TUSC3: variants seen among roughly 807,000 people sequenced by gnomAD.
TUSC3 encodes the protein tumor suppressor candidate 3, also known as dolichyl-diphosphooligosaccharide--protein glycosyltransferase subunit TUSC3.
In TUSC3, 45 loss-of-function variants were observed where a neutral mutation model predicts 44.8. The ratio of observed to expected loss-of-function variants is 1.00; its 90% confidence interval spans 0.79 to 1.29. The LOEUF is 1.29. Among genes scored for constraint, TUSC3 ranks in the 50% most tolerant of loss-of-function variants. The pLI is 0.00. For missense variants in TUSC3, 519 were observed against 437.9 expected, an observed-to-expected ratio of 1.19 and a Z score of -1.65; for synonymous variants, 212 against 152.9, an observed-to-expected ratio of 1.39 and a Z score of -2.85.
At chr8:15,694,856 A>G (rs1809091158) in intron 6 of TUSC3, among the ~76,000 whole-genome samples, 1 of 152,166 alleles carries the variant, frequency 6.6e-6, no homozygotes, top group African/African-American at 2.4e-5. Flanking sequence ...GTCAGCCAAA[A>G]TGCTTCATAG....
At chr8:15,632,092 C>T (rs1489457055) in intron 2 of TUSC3, among the ~76,000 whole-genome samples, 1 of 152,024 alleles carries the variant, frequency 6.6e-6, no homozygotes, top group Non-Finnish European at 1.5e-5. Context: ...CTATATAATT[C>T]ATATTTAAAT....
intron 7 of TUSC3, among the ~76,000 whole-genome samples, chr8:15,741,437 G>A (rs1270244544): frequency 2.0e-5 from 3 of 152,050 alleles, no homozygotes; most frequent in South Asian, 2.1e-4. Flanking sequence ...AGCTGGGCGC[G>A]GTGGCTCACA....
chr8:15,820,391 A>G, the TUSC3 span, among the ~76,000 whole-genome samples: 1 of 149,466 alleles, frequency 6.7e-6, no homozygotes, highest in Non-Finnish European at 1.5e-5. Flanking sequence ...GGCTCACTGC[A>G]ACCTCCACTT....
chr8:15,638,515 C>CTTTTTTTTTTT (rs547743726), intron 2 of TUSC3, among the ~76,000 whole-genome samples: 1 of 81,108 alleles, frequency 1.2e-5, no homozygotes, highest in Non-Finnish European at 2.2e-5. Context: ...TTCTTTTTTT[C>CTTTTTTTTTTT]TTTTTTTTTT....
In TUSC3 at chr8:15,728,730, A is replaced by C. The variant is rs78134879; in HGVS notation, c.799-1936A>C. On this transcript the variant is annotated intron_variant, in intron 6 of 10. Coordinates refer to ENST00000503731, the MANE Select transcript of TUSC3 (RefSeq NM_006765.4). ...CAATATAGACATAATTAAAGCCATG[A>C]AACTGGATGACAACACCTGGGAAGG... is the stretch of plus-strand genomic sequence containing the variant. Among the ~76,000 whole-genome samples, 1,101 of 152,274 alleles carry C rather than the reference A, an allele frequency of 7.2e-3. 8 individuals carry two copies. Among genetic ancestry groups the C allele is most frequent in the Non-Finnish European group, 0.011 (763 of 68,006 alleles).
At chr8:15,728,280 G>A (rs1028087874) in intron 6 of TUSC3, among the ~76,000 whole-genome samples, 2 of 152,220 alleles carry the variant, frequency 1.3e-5, no homozygotes, top group South Asian at 2.1e-4. Flanking sequence ...AATAAAGGAG[G>A]CTATTGCAAT....
intron 1 of TUSC3, among the ~76,000 whole-genome samples, chr8:15,616,069 A>G (rs928362675): frequency 2.0e-5 from 3 of 152,170 alleles, no homozygotes; most frequent in Non-Finnish European, 2.9e-5. Flanking sequence ...AATAAGTTCT[A>G]ATGGTCGATA....
At chr8:15,457,176 G>GA (rs1800267566) in intron 1 of TUSC3, among the ~76,000 whole-genome samples, 1 of 127,836 alleles carries the variant, frequency 7.8e-6, no homozygotes, top group South Asian at 2.8e-4. Flanking sequence ...GTGAGGTGGG[G>GA]GGAGGGGGGA....
the TUSC3 span, among the ~76,000 whole-genome samples, chr8:15,776,780 A>T: frequency 6.6e-6 from 1 of 152,118 alleles, no homozygotes; most frequent in Non-Finnish European, 1.5e-5. Flanking sequence ...GGCATTCTTC[A>T]GATACTGTCA....
At chr8:15,526,895 A>G (rs1484557890) in intron 2 of TUSC3, among the ~76,000 whole-genome samples, 1 of 152,218 alleles carries the variant, frequency 6.6e-6, no homozygotes, top group African/African-American at 2.4e-5. Flanking sequence ...TAAAGTACCC[A>G]TAATGATTAG....
chr8:15,584,978 AT>A (rs773333302), intron 1 of TUSC3, among the ~76,000 whole-genome samples: 8 of 152,318 alleles, frequency 5.3e-5, no homozygotes, highest in Admixed American at 3.3e-4. Flanking sequence ...TATATTACAT[AT>A]CTGCTTATTA....
chr8:15,769,444 C>T (rs1812403014), downstream of TUSC3, among the ~76,000 whole-genome samples: 2 of 152,150 alleles, frequency 1.3e-5, no homozygotes, highest in South Asian at 4.1e-4. Flanking sequence ...GGATTAAAGA[C>T]TTAAATGTTA....
chr8:15,735,731 T>G (rs1033601222), intron 7 of TUSC3, among the ~76,000 whole-genome samples: 1 of 152,132 alleles, frequency 6.6e-6, no homozygotes, highest in African/African-American at 2.4e-5. Flanking sequence ...GAGTCTCACT[T>G]CTTGGTCGCC....
intron 1 of TUSC3, among the ~76,000 whole-genome samples, chr8:15,446,591 G>A (rs545025426): frequency 2.1e-4 from 32 of 151,938 alleles, no homozygotes; most frequent in African/African-American, 7.5e-4. Context: ...GTCAGGCGTG[G>A]CGGCGGGCGC....
the TUSC3 span, among the ~76,000 whole-genome samples, chr8:15,780,609 C>G: frequency 1.3e-5 from 2 of 152,322 alleles, no homozygotes; most frequent in Admixed American, 6.5e-5. Flanking sequence ...TCTGACTAGT[C>G]TGCATCAGAG....
At position 15,430,090 on chromosome 8, in the gene TUSC3, C is replaced by G. The variant is rs550747575; in HGVS notation, n.91+12785C>G. On this transcript the variant is annotated intron_variant and non_coding_transcript_variant, in intron 1 of 5. Transcript: ENST00000503191. ...CCTTTCCTTCTGAAACTATTCCAAT[C>G]AATAGAAAAAGAGGGAATCCTCCCT... Among the ~76,000 whole-genome samples the G allele has an allele frequency of 1.3e-3, 195 of 151,282 alleles. 2 individuals carry two copies. The highest frequency in any genetic ancestry group is 2.2e-3 in the Non-Finnish European group (147 of 67,940).
At chr8:15,713,553 G>T (rs1298868457) in intron 6 of TUSC3, among the ~76,000 whole-genome samples, 3 of 152,094 alleles carry the variant, frequency 2.0e-5, no homozygotes, top group Admixed American at 2.0e-4. Flanking sequence ...AACAGAAAAT[G>T]TATTTGCTCA....
chr8:15,547,965 T>G (rs1801931575), intron 1 of TUSC3, among the ~76,000 whole-genome samples: 1 of 151,718 alleles, frequency 6.6e-6, no homozygotes, highest in Admixed American at 6.6e-5. Flanking sequence ...TTTTCTGTTA[T>G]TTTTAACTTT....
At chr8:15,423,635 C>G (rs748683868) in intron 1 of TUSC3, among the ~76,000 whole-genome samples, 2 of 152,162 alleles carry the variant, frequency 1.3e-5, no homozygotes, top group Non-Finnish European at 2.9e-5. Context: ...GAAATACCTG[C>G]TCACCATTAC....
Sources: gnomAD v4.1 joint callset for allele counts (sites outside exome capture counted in the v4.1 genomes callset) on GRCh38, gnomAD v4.1.1 for gene constraint, MANE v1.5 for transcripts, NCBI Gene and HGNC (gene_info 2026-07-23, HGNC 2026-07-21) for gene names.